The following RNFT2 variants were observed in gnomAD, a reference collection of about 807,000 sequenced individuals.
RNFT2 encodes E3 ubiquitin-protein ligase RNFT2.
Under a neutral mutation model 53.0 loss-of-function variants are expected in RNFT2, and 36 were observed. The ratio of observed to expected loss-of-function variants is 0.68; its 90% CI spans 0.52 to 0.90. The LOEUF (loss-of-function observed/expected upper bound fraction) is 0.90. Ranked by LOEUF, RNFT2 falls within the 40% of genes least tolerant of loss-of-function variation. The pLI, the probability that RNFT2 is intolerant of heterozygous loss-of-function variation, is 0.00. For missense variants in RNFT2, 514 were observed against 585.6 expected (o/e 0.88, Z 1.26); for synonymous variants, 260 against 253.2 (o/e 1.03, Z -0.26).
chr12:116,809,392 G>C (rs559071988), intron 7 of RNFT2, among the ~76,000 whole-genome samples: 36 of 152,262 alleles, frequency 2.4e-4, no homozygotes, highest in African/African-American at 8.4e-4. Context: ...TGTGGCCTGG[G>C]GGGTCCAGCG....
At chr12:116,824,655 C>T (rs114885879) in intron 7 of RNFT2, among the ~76,000 whole-genome samples, 1,647 of 152,276 alleles carry the variant, frequency 0.011, 28 homozygotes, top group African/African-American at 0.037. Flanking sequence ...CTACATGATG[C>T]TTATAATTGT....
At chr12:116,797,297 T>C (rs114747821) in intron 7 of RNFT2, among the ~76,000 whole-genome samples, 5,907 of 152,220 alleles carry the variant, frequency 0.039, 182 homozygotes, top group African/African-American at 0.076. Context: ...CTGTGGGTCA[T>C]TCCTGTAATC....
chr12:116,743,195 T>C (rs1871701155), intron 3 of RNFT2, among the ~76,000 whole-genome samples: 1 of 72,846 alleles, frequency 1.4e-5, no homozygotes, highest in Non-Finnish European at 2.7e-5. Flanking sequence ...CTGTGATTAA[T>C]AGATACCAGG....
intron 7 of RNFT2, among the ~76,000 whole-genome samples, chr12:116,814,507 C>T (rs1274691029): frequency 6.6e-6 from 1 of 151,898 alleles, no homozygotes; most frequent in Non-Finnish European, 1.5e-5. Context: ...GGATTCCAGG[C>T]TGGGGAAACA....
chr12:116,743,504 G>A (rs1457451891), intron 3 of RNFT2, among the ~76,000 whole-genome samples: 1 of 152,030 alleles, frequency 6.6e-6, no homozygotes, highest in Non-Finnish European at 1.5e-5. Flanking sequence ...CTGAGCTTGG[G>A]CAGTCTGCCC....
At chr12:116,761,864 C>T (rs1872701378) in intron 5 of RNFT2, among the ~76,000 whole-genome samples, 1 of 152,098 alleles carries the variant, frequency 6.6e-6, no homozygotes, top group Non-Finnish European at 1.5e-5. Flanking sequence ...TGGAAAAGAG[C>T]CTGTTGGCAC....
chr12:116,822,401 C>T (rs1876088102), intron 7 of RNFT2, among the ~76,000 whole-genome samples: 3 of 152,088 alleles, frequency 2.0e-5, no homozygotes, highest in African/African-American at 7.2e-5. Flanking sequence ...TTGGGGCTGC[C>T]AGTGGCCATC....
At chr12:116,775,793 A>C (rs2137112457) in intron 6 of RNFT2, among the ~76,000 whole-genome samples, 1 of 152,368 alleles carries the variant, frequency 6.6e-6, no homozygotes, top group East Asian at 1.9e-4. Flanking sequence ...CTGTATTCCC[A>C]ACACTTTGGG....
In RNFT2 at chr12:116,833,843, G is replaced by T; in HGVS notation, c.934G>T (p.Val312Phe). The change falls in exon 8 of 11, where the codon GTC (valine) becomes TTC (phenylalanine). Residue 312 changes from valine to phenylalanine, a missense_variant. Around this residue, in one of 3 missense-constraint regions of RNFT2, gnomAD observed 273 missense variants for 334.4 expected, o/e 0.82. Transcript: ENST00000257575. ...GCTGAGCCAGCTGTTCCGATCCCTT[G>T]TCCCCATCCAGCTGTGGTACAAATA... ...EELSQLFRSL[V>F]PIQLWYKYIM... 1 of 1,613,276 alleles carries T rather than the reference G, an allele frequency of 6.2e-7. No homozygotes were observed. The highest frequency in any genetic ancestry group is 1.3e-5 in the African/African-American group (1 of 74,982).
At chr12:116,838,614 G>A (rs1398892374) in intron 10 of RNFT2, among the ~76,000 whole-genome samples, 1 of 152,212 alleles carries the variant, frequency 6.6e-6, no homozygotes, top group African/African-American at 2.4e-5. Context: ...TCTCAGTGCA[G>A]TTTTAATTTG....
intron 4 of RNFT2, among the ~76,000 whole-genome samples, 193 bp downstream of exon 4, chr12:116,750,500 A>G (rs1369509928): frequency 6.6e-6 from 1 of 152,088 alleles, no homozygotes; most frequent in Non-Finnish European, 1.5e-5. Flanking sequence ...CAGGCAAGTC[A>G]CTTGGCTTCT....
chr12:116,757,159 G>A (rs527530547), intron 5 of RNFT2, among the ~76,000 whole-genome samples: 1 of 152,164 alleles, frequency 6.6e-6, no homozygotes, highest in African/African-American at 2.4e-5. Flanking sequence ...TTTCAGTGGT[G>A]TCACTTGAAA....
intron 6 of RNFT2, among the ~76,000 whole-genome samples, chr12:116,774,958 G>GAGAT (rs1372551018): frequency 6.6e-6 from 1 of 150,848 alleles, no homozygotes; most frequent in Non-Finnish European, 1.5e-5. Context: ...GAGAGAGAGA[G>GAGAT]AAGCTTAAGA....
intron 7 of RNFT2, among the ~76,000 whole-genome samples, chr12:116,800,812 T>TCAAAATAAAATAAA (rs142455219): frequency 1.7e-4 from 19 of 114,862 alleles, no homozygotes; most frequent in African/African-American, 6.0e-4. Flanking sequence ...AGACTCCATC[T>TCAAAATAAAATAAA]TAAAATAAAA....
intron 10 of RNFT2, among the ~76,000 whole-genome samples, chr12:116,843,320 C>T (rs1312623270): frequency 6.6e-6 from 1 of 151,726 alleles, no homozygotes; most frequent in Admixed American, 6.6e-5. Context: ...TAGCAAGACC[C>T]CAACTCTACA....
intron 7 of RNFT2, among the ~76,000 whole-genome samples, chr12:116,784,359 C>T (rs567160101): frequency 6.0e-4 from 92 of 152,304 alleles, no homozygotes; most frequent in Non-Finnish European, 1.2e-3. Context: ...TGATTGGCCC[C>T]GGTCATTTTG....
At chr12:116,845,766 C>T (rs190145717) in intron 10 of RNFT2, among the ~76,000 whole-genome samples, 3 of 152,184 alleles carry the variant, frequency 2.0e-5, no homozygotes, top group East Asian at 1.9e-4. Flanking sequence ...GTATGGTCTT[C>T]GCGGCTCTGT....
At chr12:116,773,360 A>G (rs1873286594) in intron 6 of RNFT2, among the ~76,000 whole-genome samples, 1 of 152,228 alleles carries the variant, frequency 6.6e-6, no homozygotes, top group South Asian at 2.1e-4. Flanking sequence ...TTAAGCAAAC[A>G]GGGAATTCTT....
chr12:116,814,370 T>C (rs1002131457), intron 7 of RNFT2, among the ~76,000 whole-genome samples: 1 of 152,066 alleles, frequency 6.6e-6, no homozygotes, highest in Admixed American at 6.6e-5. Context: ...GGGAGTGTCA[T>C]TGTTTGCAGG....
Sources: allele counts gnomAD v4.1 joint callset (sites outside exome capture counted in the v4.1 genomes callset), GRCh38; gene constraint gnomAD v4.1.1; regional missense constraint gnomAD v4.1.1; transcripts MANE v1.5; gene names NCBI Gene and HGNC (gene_info 2026-07-23, HGNC 2026-07-21).